Variants in HTR4 observed in about 807,000 individuals in gnomAD.
HTR4 encodes the protein 5-hydroxytryptamine receptor 4.
A neutral mutation model predicts 36.8 loss-of-function variants in HTR4; 16 were observed. That is an observed-to-expected ratio of 0.43 (90% confidence interval 0.29 to 0.66). The LOEUF (loss-of-function observed/expected upper bound fraction) is 0.66. Ranked by LOEUF, HTR4 falls within the 30% of genes least tolerant of loss-of-function variation. The pLI is 0.13. For missense variants in HTR4, 438 were observed against 490.9 expected, an observed-to-expected ratio of 0.89 and a Z score of 1.02; for synonymous variants, 189 against 185.1, an observed-to-expected ratio of 1.02 and a Z score of -0.17.
chr5:148,509,323 T>C, intron 6 of HTR4, 133 bp downstream of exon 6: 1 of 656,914 alleles, frequency 1.5e-6, no homozygotes, highest in Admixed American at 3.1e-5. Context: ...GACCAGATAG[T>C]AGAATCTTTT....
At chr5:148,505,062 G>T (rs1385653995) in intron 6 of HTR4, among the ~76,000 whole-genome samples, 2 of 152,084 alleles carry the variant, frequency 1.3e-5, no homozygotes, top group Non-Finnish European at 2.9e-5. Flanking sequence ...TCTACCAGAG[G>T]TACAAGGAGG....
intron 2 of HTR4, among the ~76,000 whole-genome samples, chr5:148,604,845 G>A (rs1752081759): frequency 6.6e-6 from 1 of 152,166 alleles, no homozygotes; most frequent in African/African-American, 2.4e-5. Context: ...AGCACTTCAG[G>A]TATTGGAAAT....
intron 3 of HTR4, among the ~76,000 whole-genome samples, chr5:148,549,796 A>G (rs1237181524): frequency 6.6e-6 from 1 of 152,196 alleles, no homozygotes; most frequent in Non-Finnish European, 1.5e-5. Context: ...TAATTTCTAG[A>G]TCTGTCCCTT....
chr5:148,616,924 T>C (rs889558822), intron 2 of HTR4, among the ~76,000 whole-genome samples: 1 of 152,240 alleles, frequency 6.6e-6, no homozygotes. Flanking sequence ...TGATCAGCTA[T>C]TAGATAACTC....
At chr5:148,653,999 G>C in intron 1 of HTR4, 63 bp downstream of exon 1, 1 of 917,592 alleles carries the variant, frequency 1.1e-6, no homozygotes, top group Non-Finnish European at 1.3e-6. Flanking sequence ...CGCCCCCGCC[G>C]CGTCCCCACC....
At chr5:148,494,792 C>T (rs1362626576) in intron 6 of HTR4, among the ~76,000 whole-genome samples, 1 of 152,202 alleles carries the variant, frequency 6.6e-6, no homozygotes, top group Non-Finnish European at 1.5e-5. Flanking sequence ...CTAATGAACA[C>T]TTGGAATATA....
chr5:148,593,511 TTCTA>T (rs1279654546), intron 2 of HTR4, among the ~76,000 whole-genome samples: 1 of 152,302 alleles, frequency 6.6e-6, no homozygotes, highest in Non-Finnish European at 1.5e-5. Context: ...CTCCTGTGGC[TTCTA>T]TCTCATTACT....
At chr5:148,526,351 T>A (rs1275850428) in intron 4 of HTR4, among the ~76,000 whole-genome samples, 1 of 152,186 alleles carries the variant, frequency 6.6e-6, no homozygotes, top group Non-Finnish European at 1.5e-5. Flanking sequence ...TACTTTCAGA[T>A]CATAGCTCAA....
At chr5:148,612,003 T>A (rs1170354791) in intron 2 of HTR4, among the ~76,000 whole-genome samples, 1 of 152,114 alleles carries the variant, frequency 6.6e-6, no homozygotes, top group Non-Finnish European at 1.5e-5. Flanking sequence ...ATGCACCCAA[T>A]ACAGGAGCAC....
chr5:148,493,811 A>C (rs1358848901), intron 6 of HTR4, among the ~76,000 whole-genome samples: 1 of 152,184 alleles, frequency 6.6e-6, no homozygotes, highest in Admixed American at 6.5e-5. Flanking sequence ...GGGTTAATGG[A>C]GACAAAGGAA....
intron 1 of HTR4, among the ~76,000 whole-genome samples, chr5:148,652,922 G>C (rs1754082744): frequency 6.6e-6 from 1 of 152,106 alleles, no homozygotes; most frequent in African/African-American, 2.4e-5. Context: ...CTAGGTGAGA[G>C]CTGCTCTTCA....
chr5:148,501,947 C>T (rs563321659), intron 6 of HTR4, among the ~76,000 whole-genome samples: 1 of 152,014 alleles, frequency 6.6e-6, no homozygotes, highest in African/African-American at 2.4e-5. Context: ...GTAGTCCCAG[C>T]TACTGGGGAG....
chr5:148,650,679 A>T (rs1382523218), intron 1 of HTR4, among the ~76,000 whole-genome samples: 1 of 152,146 alleles, frequency 6.6e-6, no homozygotes, highest in Admixed American at 6.5e-5. Context: ...TCCTTCCTCC[A>T]TCCTTCCTCT....
rs116756174 is a variant in HTR4 at position 148,498,973 on chromosome 5, G to A, written c.1076+10483C>T. Among the ~76,000 whole-genome samples the A allele has an allele frequency of 2.2e-3, 328 of 152,282 alleles. 2 individuals carry two copies. Among genetic ancestry groups the A allele is most frequent in the African/African-American group, 7.3e-3 (305 of 41,566 alleles). The stretch of plus-strand genomic sequence containing the variant: ...TATGAACAAAATGGTAGAGTTGATA[G>A]ATTAAAAAATGACTCATCAACTTTA... On this transcript the variant is annotated intron_variant, in intron 6 of 6. Coordinates refer to ENST00000377888, the MANE Select transcript of HTR4 (RefSeq NM_000870.7).
intron 5 of HTR4, among the ~76,000 whole-genome samples, chr5:148,518,444 A>G (rs1038523033): frequency 6.6e-6 from 1 of 152,178 alleles, no homozygotes; most frequent in Non-Finnish European, 1.5e-5. Flanking sequence ...TCACCACCTC[A>G]AATTGCTATC....
At chr5:148,508,691 T>C (rs1438792928) in intron 6 of HTR4, among the ~76,000 whole-genome samples, 1 of 152,200 alleles carries the variant, frequency 6.6e-6, no homozygotes, top group Non-Finnish European at 1.5e-5. Flanking sequence ...CATACATCCA[T>C]TATATCACAT....
At chr5:148,568,543 A>G (rs1760548061) in intron 2 of HTR4, among the ~76,000 whole-genome samples, 1 of 152,086 alleles carries the variant, frequency 6.6e-6, no homozygotes, top group African/African-American at 2.4e-5. Flanking sequence ...TCTTCTTTTT[A>G]CAAATTGTCC....
At position 148,613,585 on chromosome 5, in the gene HTR4, G is replaced by A. The variant is rs1432006497; in HGVS notation, c.26+23404C>T. On this transcript the variant is annotated intron_variant, in intron 2 of 6. Coordinates refer to ENST00000377888, the MANE Select transcript of HTR4 (RefSeq NM_000870.7). ...CCACAGCCAATATCATACTGAATGG[G>A]CAAAAACTGGAAGCATTCCCTTTGA... is the stretch of plus-strand genomic sequence containing the variant. 1.7e-3 allele frequency among the ~76,000 whole-genome samples: 248 copies of A among 150,140 alleles called. 3 individuals are homozygous for A. The highest frequency in any genetic ancestry group is 5.6e-3 in the African/African-American group (230 of 40,850).
At chr5:148,473,301 C>CAAAAAAA (rs35164649), downstream of HTR4, among the ~76,000 whole-genome samples, 1 of 68,626 alleles carries the variant, frequency 1.5e-5, no homozygotes, top group Non-Finnish European at 3.6e-5. Flanking sequence ...GACTCCATCT[C>CAAAAAAA]AAAAAAAAAA....
Sources: allele counts gnomAD v4.1 joint callset (sites outside exome capture counted in the v4.1 genomes callset), GRCh38; gene constraint gnomAD v4.1.1; transcripts MANE v1.5; gene names NCBI Gene and HGNC (gene_info 2026-07-23, HGNC 2026-07-21).